The following CNTNAP2 variants were observed in gnomAD, a reference collection of about 807,000 sequenced individuals.
CNTNAP2 encodes the protein contactin-associated protein-like 2.
Under a neutral mutation model 155.2 loss-of-function variants are expected in CNTNAP2, and 98 were observed. That is an observed-to-expected ratio of 0.63 (90% CI 0.54 to 0.75). CNTNAP2 has a LOEUF of 0.75. CNTNAP2 is among the 30% of genes least tolerant of loss of function. The pLI is 0.00. For missense variants in CNTNAP2, 1,727 were observed against 1,688.1 expected, an observed-to-expected ratio of 1.02 and a Z score of -0.40; for synonymous variants, 651 against 631.2, an observed-to-expected ratio of 1.03 and a Z score of -0.47.
intron 14 of CNTNAP2, among the ~76,000 whole-genome samples, chr7:147,945,647 A>C (rs1800807023): frequency 6.6e-6 from 1 of 151,694 alleles, no homozygotes; most frequent in African/African-American, 2.4e-5. Flanking sequence ...AAGGGCAGTC[A>C]GGCATAGTCT....
chr7:148,076,409 A>G (rs951413259), intron 15 of CNTNAP2, among the ~76,000 whole-genome samples: 10 of 134,030 alleles, frequency 7.5e-5, no homozygotes, highest in African/African-American at 2.7e-4. Context: ...TAGACCTATG[A>G]TAGCTCTGAC....
chr7:147,800,366 A>ATT (rs369053565), intron 13 of CNTNAP2, among the ~76,000 whole-genome samples: 1 of 150,286 alleles, frequency 6.7e-6, no homozygotes, highest in African/African-American at 2.4e-5. Context: ...AGGAAATGAG[A>ATT]TTTTTTTTTT....
At chr7:146,381,369 C>A (rs1354482712) in intron 1 of CNTNAP2, among the ~76,000 whole-genome samples, 1 of 152,108 alleles carries the variant, frequency 6.6e-6, no homozygotes, top group South Asian at 2.1e-4. Context: ...ATATTAACTT[C>A]TTTTTTAAAT....
intron 11 of CNTNAP2, among the ~76,000 whole-genome samples, chr7:147,504,041 C>T (rs1424520276): frequency 6.6e-6 from 1 of 152,134 alleles, no homozygotes; most frequent in Admixed American, 6.5e-5. Context: ...AATTTCAAAC[C>T]ATTTCCTGTT....
intron 1 of CNTNAP2, among the ~76,000 whole-genome samples, chr7:146,186,552 A>T (rs1798627223): frequency 6.6e-6 from 1 of 152,202 alleles, no homozygotes; most frequent in Non-Finnish European, 1.5e-5. Flanking sequence ...CATAATTAAA[A>T]ATAACTTAAT....
intron 3 of CNTNAP2, among the ~76,000 whole-genome samples, chr7:147,039,377 T>C (rs188262966): frequency 2.0e-3 from 297 of 152,256 alleles, no homozygotes; most frequent in African/African-American, 6.8e-3. Context: ...CCCTCCACTC[T>C]CCAGGAGACC....
At chr7:147,309,932 T>A (rs780570302) in intron 9 of CNTNAP2, among the ~76,000 whole-genome samples, 7 of 151,998 alleles carry the variant, frequency 4.6e-5, no homozygotes, top group Non-Finnish European at 1.0e-4. Flanking sequence ...GAGAAAAAAA[T>A]TTTCAATCTA....
chr7:146,708,624 T>A (rs1801008706), intron 1 of CNTNAP2, among the ~76,000 whole-genome samples: 1 of 101,230 alleles, frequency 9.9e-6, no homozygotes, highest in South Asian at 3.6e-4. Context: ...TGAGATGGAG[T>A]CTCACTGTGT....
At chr7:146,407,805 C>G (rs987193311) in intron 1 of CNTNAP2, among the ~76,000 whole-genome samples, 1 of 151,994 alleles carries the variant, frequency 6.6e-6, no homozygotes, top group Admixed American at 6.6e-5. Context: ...ACAGCAAGAC[C>G]AAGCCCTCCT....
chr7:147,493,431 A>G (rs1798643179), intron 11 of CNTNAP2, among the ~76,000 whole-genome samples: 1 of 152,144 alleles, frequency 6.6e-6, no homozygotes, highest in South Asian at 2.1e-4. Context: ...CCTGTTATTA[A>G]GGAGTGACTA....
At chr7:146,463,612 A>G (rs1796671285) in intron 1 of CNTNAP2, among the ~76,000 whole-genome samples, 1 of 152,110 alleles carries the variant, frequency 6.6e-6, no homozygotes, top group Admixed American at 6.6e-5. Flanking sequence ...ATACACATGT[A>G]TATACATATA....
chr7:147,352,906 T>C (rs563028106), intron 9 of CNTNAP2, among the ~76,000 whole-genome samples: 1 of 151,870 alleles, frequency 6.6e-6, no homozygotes, highest in Non-Finnish European at 1.5e-5. Flanking sequence ...AGTTTATGAA[T>C]CTGATACTTA....
chr7:147,079,929 A>G (rs1800086403), intron 4 of CNTNAP2, among the ~76,000 whole-genome samples: 1 of 151,940 alleles, frequency 6.6e-6, no homozygotes, highest in Admixed American at 6.6e-5. Flanking sequence ...ACTGAGACTC[A>G]GAAAAGTGCT....
intron 21 of CNTNAP2, among the ~76,000 whole-genome samples, chr7:148,350,859 G>T (rs563997974): frequency 5.3e-5 from 8 of 152,290 alleles, no homozygotes; most frequent in African/African-American, 1.9e-4. Flanking sequence ...TCTGAACTGT[G>T]AGGTGTCCCC....
At chr7:147,690,093 T>C (rs1796066892) in intron 13 of CNTNAP2, among the ~76,000 whole-genome samples, 1 of 152,098 alleles carries the variant, frequency 6.6e-6, no homozygotes, top group African/African-American at 2.4e-5. Context: ...AAAAGAATCT[T>C]ATTGCCTCCT....
chr7:147,061,903 C>T (rs1226466653), intron 4 of CNTNAP2, among the ~76,000 whole-genome samples: 5 of 151,724 alleles, frequency 3.3e-5, no homozygotes, highest in African/African-American at 1.2e-4. Context: ...GGGAGGTGGG[C>T]GGATCACGAG....
At chr7:147,346,120 A>C (rs756273110) in intron 9 of CNTNAP2, among the ~76,000 whole-genome samples, 5 of 149,664 alleles carry the variant, frequency 3.3e-5, no homozygotes, top group Admixed American at 6.8e-5. Context: ...TGTGTCCCAT[A>C]ATCGAAGATT....
chr7:147,863,249 G>C (rs1236976536), intron 13 of CNTNAP2, among the ~76,000 whole-genome samples: 1 of 152,154 alleles, frequency 6.6e-6, no homozygotes, highest in Non-Finnish European at 1.5e-5. Context: ...GCCCTGCAAA[G>C]AACATGAACT....
chr7:146,464,674 C>T (rs529577207), intron 1 of CNTNAP2, among the ~76,000 whole-genome samples: 5 of 152,110 alleles, frequency 3.3e-5, no homozygotes, highest in African/African-American at 7.2e-5. Context: ...ATACTGAACA[C>T]GTTATTCTGA....
Sources: allele counts gnomAD v4.1 joint callset (sites outside exome capture counted in the v4.1 genomes callset), GRCh38; gene constraint gnomAD v4.1.1; transcripts MANE v1.5; gene names NCBI Gene and HGNC (gene_info 2026-07-23, HGNC 2026-07-21).